The following TNFRSF8 variants were observed in gnomAD, a reference collection of about 807,000 sequenced individuals.
The protein encoded by TNFRSF8 is tumor necrosis factor receptor superfamily member 8.
In TNFRSF8, 26 loss-of-function variants were observed where a neutral mutation model predicts 70.8. That is an observed-to-expected ratio of 0.37 (90% CI 0.27 to 0.51). The LOEUF is 0.51. TNFRSF8 is among the 20% of genes least tolerant of loss of function. TNFRSF8 has a pLI of 0.94. For missense variants in TNFRSF8, 720 were observed against 807.9 expected (o/e 0.89, Z 1.32); for synonymous variants, 356 against 339.2 (o/e 1.05, Z -0.54).
intron 1 of TNFRSF8, among the ~76,000 whole-genome samples, chr1:12,076,097 C>CTTTT (rs397829917): frequency 1.4e-4 from 20 of 139,482 alleles, no homozygotes; most frequent in Non-Finnish European, 2.3e-4. Context: ...TTTTTTTTTT[C>CTTTT]TTTTTCTTTT....
chr1:12,138,425 A>G lies in TNFRSF8; in HGVS notation c.1532A>G (p.Asn511Ser), dbSNP rs1420779522. The change falls in exon 14 of 15, where the codon AAT becomes AGT. Residue 511 changes from asparagine (N) to serine (S), a missense_variant. Physicochemically the swap from Asn to Ser is conservative, Grantham distance 46. Coordinates refer to ENST00000263932, the MANE Select transcript of TNFRSF8 (RefSeq NM_001243.5). This position sits in a 1 kb window ranked among gnomAD's most constrained non-coding sequence, Gnocchi z 5.7. ...CCCCGGGTGTCCACGGAGCACACCAATAACAAGATTGGTGAGTCAGCCTGT... is the reference window on the plus strand; with the variant it reads ...CCCCGGGTGTCCACGGAGCACACCAGTAACAAGATTGGTGAGTCAGCCTGT... ...PEPRVSTEHTNNKIEKIYIMK... is the reference protein window; with the variant it reads ...PEPRVSTEHTSNKIEKIYIMK... 3 of 1,611,492 alleles carry G rather than the reference A, an allele frequency of 1.9e-6. No individual in the cohort carries two copies. Among genetic ancestry groups the G allele is most frequent in the Non-Finnish European group, 2.5e-6 (3 of 1,178,254 alleles).
chr1:12,135,042 G>A (rs970429672), intron 12 of TNFRSF8, among the ~76,000 whole-genome samples: 1 of 152,054 alleles, frequency 6.6e-6, no homozygotes, highest in Non-Finnish European at 1.5e-5. Context: ...GCAGCCAGGT[G>A]TGGTGGCTCA....
intron 12 of TNFRSF8, among the ~76,000 whole-genome samples, chr1:12,127,209 TG>T (rs1404616915): frequency 2.0e-5 from 3 of 152,254 alleles, no homozygotes; most frequent in Non-Finnish European, 4.4e-5. Context: ...TGGCATGGAT[TG>T]GGTGCCTGCT....
intron 2 of TNFRSF8, among the ~76,000 whole-genome samples, chr1:12,096,253 C>T (rs538016324): frequency 6.6e-6 from 1 of 152,064 alleles, no homozygotes; most frequent in African/African-American, 2.4e-5. Flanking sequence ...AGGTAGGCAG[C>T]GATTGCTGGG....
intron 1 of TNFRSF8, among the ~76,000 whole-genome samples, chr1:12,069,169 CCTT>C: frequency 1.6e-5 from 2 of 124,478 alleles, no homozygotes; most frequent in African/African-American, 3.0e-5. Context: ...CTGCACCCGG[CCTT>C]TTTTTTTTTT....
chr1:12,134,397 G>A (rs1383430024), intron 12 of TNFRSF8, among the ~76,000 whole-genome samples: 1 of 152,212 alleles, frequency 6.6e-6, no homozygotes, highest in Non-Finnish European at 1.5e-5. Flanking sequence ...GGATGAGTTA[G>A]ATGCCCGGAT....
At chr1:12,122,328 G>A (rs532766758) in intron 8 of TNFRSF8, among the ~76,000 whole-genome samples, 5 of 152,018 alleles carry the variant, frequency 3.3e-5, no homozygotes, top group East Asian at 2.0e-4. Flanking sequence ...ACCCTACCCT[G>A]CCAGGGGATA....
At chr1:12,132,753 G>A (rs184490575) in intron 12 of TNFRSF8, among the ~76,000 whole-genome samples, 4 of 144,266 alleles carry the variant, frequency 2.8e-5, no homozygotes, top group South Asian at 4.3e-4. Flanking sequence ...CAGGAGGATC[G>A]CTTAAACCCC....
intron 14 of TNFRSF8, among the ~76,000 whole-genome samples, chr1:12,140,104 G>A (rs921979275): frequency 1.3e-5 from 2 of 152,248 alleles, no homozygotes; most frequent in African/African-American, 4.8e-5. Flanking sequence ...TGGAATCCCA[G>A]GGGTGGGGTT....
intron 2 of TNFRSF8, among the ~76,000 whole-genome samples, chr1:12,094,786 C>T (rs866101108): frequency 6.6e-6 from 1 of 151,992 alleles, no homozygotes; most frequent in Non-Finnish European, 1.5e-5. Flanking sequence ...CCACCATGCC[C>T]GGCTAATTTT....
chr1:12,107,263 C>G (rs1313541727), intron 4 of TNFRSF8, among the ~76,000 whole-genome samples: 2 of 152,000 alleles, frequency 1.3e-5, no homozygotes, highest in African/African-American at 2.4e-5. Context: ...GGTGTGGTGG[C>G]GGGTGCTTGA....
At position 12,123,336 on chromosome 1, in the gene TNFRSF8, G is replaced by A. The variant is rs770863441; in HGVS notation, c.999G>A (p.Pro333=). Residue 333 remains proline, a synonymous_variant, in exon 9 of 15, where the codon CCG becomes CCA. Coordinates refer to ENST00000263932, the MANE Select transcript of TNFRSF8 (RefSeq NM_001243.5). ...TFEAPPLGTQ[P]DCNPTPENGE... Reference sequence around the variant, plus strand: ...AGGCGCCACCCCTGGGGACCCAGCCGGACTGCAACCCCACCCCAGAGAATG... The same window carrying A: ...AGGCGCCACCCCTGGGGACCCAGCCAGACTGCAACCCCACCCCAGAGAATG... 2.5e-5 allele frequency: 40 copies of A among 1,613,292 alleles called. No individual in the cohort carries two copies. The highest frequency in any genetic ancestry group is 4.4e-5 in the South Asian group (4 of 90,816).
At position 12,084,678 on chromosome 1, in the gene TNFRSF8, G is replaced by T. The variant is rs959379882; in HGVS notation, c.151+127G>T. The T allele has an allele frequency of 1.6e-5, 14 of 886,006 alleles. No individual in the cohort carries two copies. In the Admixed American group the frequency reaches 3.0e-4, roughly 19 times the overall value. 54.9% of individuals were successfully genotyped at this position (886,006 alleles called of 1,614,324 possible). ...TCGTCATAATTGGCTACAGTTTTCT[G>T]CAGGTCATTCCTAGTGTCGCGGAGT... On this transcript the variant is annotated intron_variant, in intron 2 of 14. Coordinates refer to ENST00000263932, the MANE Select transcript of TNFRSF8 (RefSeq NM_001243.5).
At position 12,138,376 on chromosome 1, in the gene TNFRSF8, T is replaced by C. The variant is rs1642189907; in HGVS notation, c.1483T>C (p.Ser495Pro). 1 of 1,613,504 alleles carries C rather than the reference T, an allele frequency of 6.2e-7. No homozygotes were observed. The highest frequency in any genetic ancestry group is 1.1e-5 in the South Asian group (1 of 91,056). Reference protein sequence around the residue: ...LQDASPAGGPSSPRDLPEPRV... With the variant: ...LQDASPAGGPPSPRDLPEPRV... Reference sequence around the variant, plus strand: ...GGATGCCAGCCCGGCCGGGGGCCCCTCGTCCCCCAGGGACCTTCCTGAGCC... The same window carrying C: ...GGATGCCAGCCCGGCCGGGGGCCCCCCGTCCCCCAGGGACCTTCCTGAGCC... The change falls in exon 14 of 15, where the codon TCG (serine) becomes CCG (proline). Residue 495 changes from serine (S) to proline (P), a missense_variant. Ser to Pro is a moderately conservative substitution (Grantham distance 74). Transcript: ENST00000263932. This position sits in a 1 kb window ranked among gnomAD's most constrained non-coding sequence, Gnocchi z 5.7.
chr1:12,142,528 G>A lies in TNFRSF8; in HGVS notation c.1785G>A (p.Lys595=). The A allele has an allele frequency of 6.4e-7, 1 of 1,564,662 alleles. No individual in the cohort carries two copies. Among genetic ancestry groups the A allele is most frequent in the Non-Finnish European group, 8.7e-7 (1 of 1,154,584 alleles). ...CCTTGCCCACAGCTGCCTCTGGAAA[G>A]TGAGGCCTGGGCTGGGCTGGGGCTA... ...EDPLPTAASG[K] is the part of the protein sequence containing the mutation. The change falls in exon 15 of 15, where the codon AAG becomes AAA. Residue 595 remains lysine, a synonymous_variant. Transcript: ENST00000263932. The surrounding 1 kb of genome is among the most constrained non-coding windows in gnomAD (Gnocchi z 5.0).
intron 8 of TNFRSF8, 32 bp from the exon 9 acceptor site, chr1:12,123,252 G>T (rs771845598): frequency 2.5e-6 from 4 of 1,585,658 alleles, no homozygotes; most frequent in East Asian, 2.3e-5. Context: ...CCTCCTTGGC[G>T]CTGGTTCTCA....
Position 12,138,159 on chromosome 1 carries a change from G to A in TNFRSF8, c.1336-70G>A. ...GTCTGTAGAGATGAAAAAAAAAAGG[G>A]GCCTCCCAGTTCAGAGACTGGTGGG... On this transcript the variant is annotated intron_variant, in intron 13 of 14. Transcript: ENST00000263932. The surrounding 1 kb of genome is among the most constrained non-coding windows in gnomAD (Gnocchi z 5.7). 6.6e-7 allele frequency: 1 copy of A among 1,511,904 alleles called. No homozygotes were observed. Among genetic ancestry groups the A allele is most frequent in the Non-Finnish European group, 9.0e-7 (1 of 1,116,200 alleles). 93.7% of individuals were successfully genotyped at this position (1,511,904 alleles called of 1,614,324 possible). A position where few individuals can be genotyped will look rare whatever the true frequency, so the allele number is the denominator to read the frequency against.
chr1:12,069,170 C>CTTTTTT (rs57009728), intron 1 of TNFRSF8, among the ~76,000 whole-genome samples: 1 of 53,548 alleles, frequency 1.9e-5, no homozygotes, highest in Non-Finnish European at 3.2e-5. Context: ...TGCACCCGGC[C>CTTTTTT]TTTTTTTTTT....
At chr1:12,066,494 C>T (rs1219386107) in intron 1 of TNFRSF8, among the ~76,000 whole-genome samples, 1 of 151,594 alleles carries the variant, frequency 6.6e-6, no homozygotes, top group East Asian at 1.9e-4. Flanking sequence ...GCTTGGATTA[C>T]AGGCACTTGC....
Sources: gnomAD v4.1 joint callset for allele counts (sites outside exome capture counted in the v4.1 genomes callset) on GRCh38, gnomAD v4.1.1 for gene constraint, Gnocchi (gnomAD v3.1) non-coding constraint, MANE v1.5 for transcripts, NCBI Gene and HGNC (gene_info 2026-07-23, HGNC 2026-07-21) for gene names.